The following CHIC1 variants were observed in gnomAD, a reference collection of about 807,000 sequenced individuals.
CHIC1 encodes cysteine rich hydrophobic domain 1.
In CHIC1, 7 loss-of-function variants were observed where a neutral mutation model predicts 18.5. That is an observed-to-expected ratio of 0.38 (90% CI 0.22 to 0.71). The LOEUF (loss-of-function observed/expected upper bound fraction) is 0.71, where lower values mean the gene tolerates loss of function less well. CHIC1 is among the 30% of genes least tolerant of loss of function. The pLI is 0.49. For synonymous variants in CHIC1, 77 were observed against 73.5 expected, an observed-to-expected ratio of 1.05 and a Z score of -0.25; for missense variants, 159 against 176.9, an observed-to-expected ratio of 0.90 and a Z score of 0.57.
chrX:73,605,192 G>A (rs940680044), intron 3 of CHIC1, among the ~76,000 whole-genome samples: 1 of 108,251 alleles, frequency 9.2e-6, no homozygotes, highest in Non-Finnish European at 1.9e-5. Context: ...CCTGTATTGG[G>A]TGCATATATA....
At chrX:73,673,385 G>A (rs182543086) in intron 3 of CHIC1, among the ~76,000 whole-genome samples, 2 of 111,870 alleles carry the variant, frequency 1.8e-5, no homozygotes, top group African/African-American at 6.5e-5. Flanking sequence ...CATGAGCATG[G>A]AATGTTCTTC....
intron 3 of CHIC1, among the ~76,000 whole-genome samples, chrX:73,616,473 C>T (rs993332246): frequency 3.6e-5 from 4 of 112,077 alleles, no homozygotes; most frequent in Non-Finnish European, 5.6e-5. Flanking sequence ...CTCACAGCTC[C>T]ACTAGGCAGT....
chrX:73,639,226 C>T (rs1042806405), intron 3 of CHIC1, among the ~76,000 whole-genome samples: 1 of 111,384 alleles, frequency 9.0e-6, no homozygotes, highest in African/African-American at 3.3e-5. Flanking sequence ...TTCTGACTGA[C>T]GTGAGATAGT....
chrX:73,576,099 T>C (rs975721317), intron 1 of CHIC1, among the ~76,000 whole-genome samples: 3 of 109,599 alleles, frequency 2.7e-5, no homozygotes, highest in Non-Finnish European at 5.8e-5. Flanking sequence ...GGAAAGTCTT[T>C]AGGGACAATA....
At chrX:73,616,672 A>G (rs1279522103) in intron 3 of CHIC1, among the ~76,000 whole-genome samples, 1 of 111,410 alleles carries the variant, frequency 9.0e-6, no homozygotes, top group Non-Finnish European at 1.9e-5. Context: ...TCAACACCAC[A>G]TGGAAGCTGC....
chrX:73,582,668 A>G (rs1000613085), intron 2 of CHIC1, among the ~76,000 whole-genome samples: 1 of 110,484 alleles, frequency 9.1e-6, no homozygotes, highest in African/African-American at 3.3e-5. Flanking sequence ...AAACCTTCTC[A>G]GAGACATGAT....
rs764213055 is a variant in CHIC1 at position 73,682,343 on chromosome X, A to G, written c.*1338A>G. 1.8e-5 allele frequency: 2 copies of G among 112,160 alleles called. No homozygotes were observed. Among genetic ancestry groups the G allele is most frequent in the East Asian group, 2.8e-4 (1 of 3,573 alleles). 9.2% of individuals were successfully genotyped at this position (112,160 alleles called of 1,213,427 possible). ...CACAACTAGAATTTGAAAATTCAGT[A>G]TAATGAAAGCTTTATATCACATTAA... is the stretch of plus-strand genomic sequence containing the variant. On this transcript the variant is annotated 3_prime_UTR_variant, in exon 6 of 6. Transcript: ENST00000373502.
chrX:73,593,437 C>T (rs1163990398), intron 3 of CHIC1, among the ~76,000 whole-genome samples: 1 of 111,111 alleles, frequency 9.0e-6, no homozygotes, highest in Non-Finnish European at 1.9e-5. Context: ...CTCTGAATTT[C>T]TTGAATTTGC....
Position 73,685,231 on chromosome X carries a change from G to A in CHIC1, c.*4226G>A, listed in dbSNP as rs2058116556. The A allele has an allele frequency of 9.0e-6, 1 of 111,615 alleles. No homozygotes were observed. The highest frequency in any genetic ancestry group is 1.9e-5 in the Non-Finnish European group (1 of 52,993). The allele number at this position is 111,615 out of a possible 1,213,427, so 9.2% of individuals were successfully genotyped here. On this transcript the variant is annotated 3_prime_UTR_variant, in exon 6 of 6. Transcript: ENST00000373502. ...TGGCTGACGTGTTAATTATCACACA[G>A]ACTCCAAGAACCTGATGCTTGCTAG...
rs2058111852 is a variant in CHIC1 at position 73,684,229 on chromosome X, A to G, written c.*3224A>G. 9.0e-6 allele frequency: 1 copy of G among 111,126 alleles called. No individual in the cohort carries two copies. The highest frequency in any genetic ancestry group is 3.8e-4 in the South Asian group (1 of 2,666). 9.2% of individuals were successfully genotyped at this position (111,126 alleles called of 1,213,427 possible). On this transcript the variant is annotated 3_prime_UTR_variant, in exon 6 of 6. Transcript: ENST00000373502. ...CAGTATAATTCTAATGCTAGTAAAC[A>G]TGTAATTTAATTTAGTTCTGGAAGG...
At chrX:73,643,271 C>A (rs371852188) in intron 3 of CHIC1, among the ~76,000 whole-genome samples, 17,328 of 109,123 alleles carry the variant, frequency 0.16, 1,124 homozygotes, top group African/African-American at 0.19. Flanking sequence ...TTGTGGGTAA[C>A]CCGACCTTTC....
chrX:73,679,360 A>G lies in CHIC1; in HGVS notation c.542A>G (p.Glu181Gly). The G allele has an allele frequency of 8.8e-7, 1 of 1,141,017 alleles. No individual in the cohort carries two copies. The highest frequency in any genetic ancestry group is 1.2e-6 in the Non-Finnish European group (1 of 833,781). 94.0% of individuals were successfully genotyped at this position (1,141,017 alleles called of 1,213,427 possible). The change falls in exon 4 of 6, where the codon GAA (glutamate) becomes GGA (glycine). Residue 181 changes from glutamate (E) to glycine (G), a missense_variant. Transcript: ENST00000373502. ...TCAATTCAGAAGTTAATAGAATGGGAAAATAACAGATTATATCACAAGGTA... is the reference window on the plus strand; with the variant it reads ...TCAATTCAGAAGTTAATAGAATGGGGAAATAACAGATTATATCACAAGGTA... ...RRSIQKLIEW[E>G]NNRLYHKLAL...
At chrX:73,659,604 T>C (rs907797613) in intron 3 of CHIC1, among the ~76,000 whole-genome samples, 4 of 111,107 alleles carry the variant, frequency 3.6e-5, no homozygotes, top group Non-Finnish European at 7.5e-5. Flanking sequence ...TTGTAATTAG[T>C]GATACAAGAG....
chrX:73,625,082 T>G (rs750851874), intron 3 of CHIC1, among the ~76,000 whole-genome samples: 1 of 110,750 alleles, frequency 9.0e-6, no homozygotes, highest in Non-Finnish European at 1.9e-5. Context: ...ATCAAAGCCC[T>G]TGGGGCCAAG....
chrX:73,642,703 T>C (rs1354169893), intron 3 of CHIC1, among the ~76,000 whole-genome samples: 3 of 111,114 alleles, frequency 2.7e-5, no homozygotes, highest in African/African-American at 9.8e-5. Context: ...TGTATAAAGG[T>C]GTAAGGAAGG....
intron 3 of CHIC1, among the ~76,000 whole-genome samples, chrX:73,589,411 T>G (rs754488926): frequency 9.0e-6 from 1 of 111,268 alleles, no homozygotes; most frequent in Non-Finnish European, 1.9e-5. Flanking sequence ...TTCTGTATCT[T>G]TTTAAGTTAT....
At chrX:73,608,346 A>AT (rs1235082976) in intron 3 of CHIC1, among the ~76,000 whole-genome samples, 7 of 107,239 alleles carry the variant, frequency 6.5e-5, no homozygotes, top group African/African-American at 1.5e-4. Flanking sequence ...GTCTTCCAAC[A>AT]TTTTTTTTCT....
chrX:73,565,783 A>AT (rs887873241), intron 1 of CHIC1, among the ~76,000 whole-genome samples: 1 of 110,599 alleles, frequency 9.0e-6, no homozygotes. Context: ...ACTTCTGTTT[A>AT]TTTTTTTTCT....
intron 3 of CHIC1, among the ~76,000 whole-genome samples, chrX:73,643,698 A>T (rs1237510708): frequency 5.4e-5 from 6 of 111,629 alleles, no homozygotes; most frequent in Non-Finnish European, 1.1e-4. Context: ...GTAGTTGTCG[A>T]GCCTTGGCTT....
Sources: gnomAD v4.1 joint callset for allele counts (sites outside exome capture counted in the v4.1 genomes callset) on GRCh38, gnomAD v4.1.1 for gene constraint, MANE v1.5 for transcripts, NCBI Gene and HGNC (gene_info 2026-07-23, HGNC 2026-07-21) for gene names.